AGBL1: variants seen among roughly 807,000 people sequenced by gnomAD.
The protein encoded by AGBL1 is cytosolic carboxypeptidase 4.
Under a neutral mutation model 118.9 loss-of-function variants are expected in AGBL1, and 130 were observed. That is an observed-to-expected ratio of 1.09 (90% CI 0.95 to 1.26). The LOEUF (loss-of-function observed/expected upper bound fraction) is 1.26. Ranked by LOEUF, AGBL1 falls within the 50% of genes most tolerant of loss-of-function variation. The pLI, the probability that AGBL1 is intolerant of heterozygous loss-of-function variation, is 0.00. For missense variants in AGBL1, 1,584 were observed against 1,298.1 expected, an observed-to-expected ratio of 1.22 and a Z score of -3.38; for synonymous variants, 555 against 478.9, an observed-to-expected ratio of 1.16 and a Z score of -2.08.
chr15:86,218,484 C>A (rs1200157064), intron 5 of AGBL1, among the ~76,000 whole-genome samples: 1 of 152,126 alleles, frequency 6.6e-6, no homozygotes, highest in East Asian at 1.9e-4. Context: ...GTTGTTTATA[C>A]CTTTATGTTA....
At chr15:86,753,403 T>C (rs1362892922) in intron 22 of AGBL1, among the ~76,000 whole-genome samples, 8 of 116,564 alleles carry the variant, frequency 6.9e-5, no homozygotes, top group African/African-American at 8.9e-5. Context: ...TTTTCTTTTT[T>C]TTTTTTTTTT....
intron 17 of AGBL1, among the ~76,000 whole-genome samples, chr15:86,387,737 C>A (rs561622327): frequency 1.3e-5 from 2 of 152,208 alleles, no homozygotes; most frequent in Admixed American, 1.3e-4. Context: ...GGCTTCCATG[C>A]CTTCCTCCCT....
chr15:86,870,726 T>C (rs1351240994), intron 22 of AGBL1, among the ~76,000 whole-genome samples: 6 of 152,164 alleles, frequency 3.9e-5, no homozygotes, highest in Non-Finnish European at 8.8e-5. Flanking sequence ...GGAAAAGAGA[T>C]GCAGTGTAAT....
chr15:86,827,652 C>T (rs548312948), intron 22 of AGBL1, among the ~76,000 whole-genome samples: 1 of 144,972 alleles, frequency 6.9e-6, no homozygotes, highest in South Asian at 2.2e-4. Context: ...TAAGTTGAAG[C>T]CCCCATGTCC....
intron 18 of AGBL1, among the ~76,000 whole-genome samples, chr15:86,468,639 C>T (rs1017987658): frequency 6.6e-6 from 1 of 152,090 alleles, no homozygotes; most frequent in Non-Finnish European, 1.5e-5. Flanking sequence ...TTAAATTGGA[C>T]TAAACACTGA....
chr15:86,464,740 G>A (rs576871634), intron 18 of AGBL1, among the ~76,000 whole-genome samples: 24 of 152,228 alleles, frequency 1.6e-4, no homozygotes, highest in African/African-American at 3.4e-4. Context: ...GATGGATTAC[G>A]TTTATTGATT....
Position 86,108,744 on chromosome 15 carries a change from G to A in AGBL1, c.51+28721G>A, listed in dbSNP as rs1899857. On this transcript the variant is annotated intron_variant, in intron 1 of 22. Transcript: ENST00000614907. ...GAGGCCGAGACGGGCGGATCACGAG[G>A]TCAAGAGATCGAAGCCATCCTGGCC... 7.3e-3 allele frequency among the ~76,000 whole-genome samples: 1,107 copies of A among 152,270 alleles called. 17 individuals carry two copies. Among genetic ancestry groups the A allele is most frequent in the African/African-American group, 0.025 (1,056 of 41,538 alleles).
In AGBL1 at chr15:86,264,495, G is replaced by A; in HGVS notation, c.1324G>A (p.Val442Met). 1 of 1,614,052 alleles carries A rather than the reference G, an allele frequency of 6.2e-7. No homozygotes were observed. Among genetic ancestry groups the A allele is most frequent in the Non-Finnish European group, 8.5e-7 (1 of 1,179,902 alleles). Residue 442 changes from valine to methionine, a missense_variant, in exon 11 of 23, where the codon GTG becomes ATG. Physicochemically the swap from Val to Met is conservative, Grantham distance 21. Transcript: ENST00000614907. ...KNPGVNLYQN[V>M]QSNSLRRDSS... The stretch of plus-strand genomic sequence containing the variant: ...TCCTGGAGTGAACCTGTACCAAAAT[G>A]TGCAATCCAATAGTCTCAGGAGAGA...
At chr15:86,815,319 A>T (rs2078843168) in intron 22 of AGBL1, among the ~76,000 whole-genome samples, 1 of 152,140 alleles carries the variant, frequency 6.6e-6, no homozygotes, top group Admixed American at 6.5e-5. Context: ...GAATTAGATG[A>T]GTTGGGTCAC....
intron 18 of AGBL1, among the ~76,000 whole-genome samples, chr15:86,504,356 T>C (rs1486900276): frequency 6.6e-6 from 1 of 151,552 alleles, no homozygotes; most frequent in East Asian, 1.9e-4. Flanking sequence ...TTTAAAAAAA[T>C]CCATTCTAAT....
chr15:87,012,406 A>G (rs1303272127), intron 24 of AGBL1, among the ~76,000 whole-genome samples: 1 of 152,190 alleles, frequency 6.6e-6, no homozygotes, highest in Non-Finnish European at 1.5e-5. Context: ...AAGGAAATGT[A>G]TTTAACCTCA....
At chr15:86,983,945 C>A (rs1353130137) in intron 23 of AGBL1, among the ~76,000 whole-genome samples, 1 of 152,130 alleles carries the variant, frequency 6.6e-6, no homozygotes, top group Non-Finnish European at 1.5e-5. Context: ...TGTTGCTGGA[C>A]AATTAAGGTG....
chr15:86,795,563 C>G (rs913151749), intron 22 of AGBL1, among the ~76,000 whole-genome samples: 1 of 150,212 alleles, frequency 6.7e-6, no homozygotes, highest in South Asian at 2.1e-4. Context: ...AGGCATTTGA[C>G]TAGTAAACCT....
At chr15:86,457,384 G>A (rs1033772060) in intron 18 of AGBL1, among the ~76,000 whole-genome samples, 1 of 152,110 alleles carries the variant, frequency 6.6e-6, no homozygotes, top group African/African-American at 2.4e-5. Flanking sequence ...CAGGTTCGTC[G>A]CAGCCTCTGC....
In AGBL1 at chr15:86,208,940, C is replaced by T. The variant is rs187972043; in HGVS notation, c.489-15974C>T. ...CGATTTTAGATCTTTCCTGCTTTCT[C>T]TTGTGGGCATTTAGTGCTACAAATT... On this transcript the variant is annotated intron_variant, in intron 5 of 22. Coordinates refer to ENST00000614907, the MANE Select transcript of AGBL1 (RefSeq NM_001386094.1). Among the ~76,000 whole-genome samples the T allele has an allele frequency of 5.1e-3, 777 of 152,298 alleles. 6 individuals carry two copies. Among genetic ancestry groups the T allele is most frequent in the Non-Finnish European group, 7.9e-3 (537 of 68,012 alleles).
chr15:86,927,799 C>T (rs1441713117), intron 23 of AGBL1, among the ~76,000 whole-genome samples: 5 of 152,024 alleles, frequency 3.3e-5, no homozygotes, highest in African/African-American at 4.8e-5. Context: ...GGCAGTTGTT[C>T]CTCTCAAAAC....
At chr15:86,206,515 G>A (rs985425019) in intron 5 of AGBL1, among the ~76,000 whole-genome samples, 3 of 152,218 alleles carry the variant, frequency 2.0e-5, no homozygotes, top group Admixed American at 6.5e-5. Context: ...TCTAACTGGT[G>A]TGAGATGGTA....
At position 86,556,340 on chromosome 15, in the gene AGBL1, C is replaced by A; in HGVS notation, c.2994+1803C>A. On this transcript the variant is annotated intron_variant, in intron 21 of 22. Transcript: ENST00000614907. ...TTTCCAAATGGCTTTTGCATTGGGTCACTAGAAGGAATAATGGAGGGAGAA... is the reference window on the plus strand; with the variant it reads ...TTTCCAAATGGCTTTTGCATTGGGTAACTAGAAGGAATAATGGAGGGAGAA... The A allele has an allele frequency of 3.5e-6, 5 of 1,447,822 alleles. No individual in the cohort carries two copies. The South Asian group carries it at 3.5e-5, about 10-fold the overall frequency. The allele number at this position is 1,447,822 out of a possible 1,614,324, so 89.7% of individuals were successfully genotyped here. A position where few individuals can be genotyped will look rare whatever the true frequency, so the allele number is the denominator to read the frequency against.
In AGBL1 at chr15:86,544,783, A is replaced by G. The variant is rs189127969; in HGVS notation, c.2686-1219A>G. On this transcript the variant is annotated intron_variant, in intron 19 of 22. Coordinates refer to ENST00000614907, the MANE Select transcript of AGBL1 (RefSeq NM_001386094.1). The stretch of plus-strand genomic sequence containing the variant: ...GTGGGAACACAGCCAAACCATATCA[A>G]TGGCTAAGTGCATATTCCAGAGGTG... Among the ~76,000 whole-genome samples, 824 of 152,334 alleles carry G rather than the reference A, an allele frequency of 5.4e-3. 3 individuals carry two copies. Among genetic ancestry groups the G allele is most frequent in the Admixed American group, 8.6e-3 (132 of 15,302 alleles).
Sources: gnomAD v4.1 joint callset for allele counts (sites outside exome capture counted in the v4.1 genomes callset) on GRCh38, gnomAD v4.1.1 for gene constraint, MANE v1.5 for transcripts, NCBI Gene and HGNC (gene_info 2026-07-23, HGNC 2026-07-21) for gene names.